Variants in PDZRN4 observed in about 807,000 individuals in gnomAD.
PDZRN4 encodes the protein PDZ domain-containing RING finger protein 4.
In PDZRN4, 70 loss-of-function variants were observed where a neutral mutation model predicts 99.0. The observed-to-expected ratio is 0.71, with a 90% CI of 0.58 to 0.86. The LOEUF is 0.86. Ranked by LOEUF, PDZRN4 falls within the 40% of genes least tolerant of loss-of-function variation. The probability of loss-of-function intolerance (pLI) is 0.00; values close to 1 mark genes in which losing one functional copy is unlikely to be tolerated. For synonymous variants in PDZRN4, 551 were observed against 501.6 expected (o/e 1.10, Z -1.32); for missense variants, 1,474 against 1,331.2 (o/e 1.11, Z -1.67).
At chr12:41,238,178 G>A (rs1226229736) in intron 3 of PDZRN4, among the ~76,000 whole-genome samples, 2 of 151,872 alleles carry the variant, frequency 1.3e-5, no homozygotes, top group African/African-American at 4.8e-5. Flanking sequence ...TTTGAAGAGG[G>A]CCTTCACTTT....
chr12:41,484,705 G>A (rs1445113542), intron 3 of PDZRN4, among the ~76,000 whole-genome samples: 1 of 152,174 alleles, frequency 6.6e-6, no homozygotes, highest in Admixed American at 6.6e-5. Flanking sequence ...CTGTTGCCCA[G>A]ATTTGCTGTA....
chr12:41,356,884 G>A lies in PDZRN4; in HGVS notation c.844-149572G>A, dbSNP rs574847452. 9.9e-5 allele frequency among the ~76,000 whole-genome samples: 15 copies of A among 151,872 alleles called. No individual in the cohort carries two copies. The South Asian group carries it at 3.1e-3, about 32-fold the overall frequency. On this transcript the variant is annotated intron_variant, in intron 3 of 9. Transcript: ENST00000402685. ...TTAGTATTTCATTATTCTTTTGTTG[G>A]GAAACCTCATTGTTGAGTGATTTTA...
chr12:41,250,755 C>A (rs78241219), intron 3 of PDZRN4, among the ~76,000 whole-genome samples: 3 of 152,154 alleles, frequency 2.0e-5, no homozygotes, highest in African/African-American at 7.2e-5. Context: ...AGCATTGACA[C>A]GGTGGAGAAA....
At chr12:41,561,036 G>A (rs1939260982) in intron 7 of PDZRN4, among the ~76,000 whole-genome samples, 1 of 152,138 alleles carries the variant, frequency 6.6e-6, no homozygotes. Flanking sequence ...TTGCCCCAAA[G>A]TAAGAACTAA....
At chr12:41,280,609 G>A (rs573281329) in intron 3 of PDZRN4, among the ~76,000 whole-genome samples, 3 of 151,362 alleles carry the variant, frequency 2.0e-5, no homozygotes, top group East Asian at 3.9e-4. Context: ...AGCTCGAACT[G>A]GGTGGAGCCC....
intron 3 of PDZRN4, among the ~76,000 whole-genome samples, chr12:41,472,331 C>T (rs1385922660): frequency 6.6e-6 from 1 of 152,112 alleles, no homozygotes; most frequent in Admixed American, 6.5e-5. Flanking sequence ...AGACCAATTC[C>T]ATTTGAAATA....
At chr12:41,539,522 C>T (rs894475178) in intron 5 of PDZRN4, among the ~76,000 whole-genome samples, 2 of 151,954 alleles carry the variant, frequency 1.3e-5, no homozygotes, top group Non-Finnish European at 2.9e-5. Context: ...TGTACCTTTT[C>T]CTGTTATGAT....
intron 3 of PDZRN4, among the ~76,000 whole-genome samples, chr12:41,325,554 G>A (rs550757454): frequency 7.2e-5 from 11 of 152,258 alleles, no homozygotes; most frequent in Non-Finnish European, 1.5e-4. Flanking sequence ...CAAGTCAACA[G>A]CAAGGAGGTT....
intron 3 of PDZRN4, among the ~76,000 whole-genome samples, chr12:41,432,607 C>T (rs1409769273): frequency 2.6e-5 from 4 of 152,156 alleles, no homozygotes; most frequent in African/African-American, 9.7e-5. Context: ...GTTGCTCTTA[C>T]ATGTCTTATA....
chr12:41,213,233 C>A (rs994793254), intron 3 of PDZRN4, among the ~76,000 whole-genome samples: 1 of 151,868 alleles, frequency 6.6e-6, no homozygotes, highest in Non-Finnish European at 1.5e-5. Flanking sequence ...TCTGCTGTAA[C>A]GTTGCAAGTG....
chr12:41,464,589 T>C lies in PDZRN4; in HGVS notation c.844-41867T>C, dbSNP rs548141412. Among the ~76,000 whole-genome samples the C allele has an allele frequency of 2.0e-5, 3 of 152,320 alleles. No homozygotes were observed. In the East Asian group the frequency reaches 5.8e-4, roughly 29 times the overall value. ...ATTTTAGTTTTCTAAATTGGAGACA[T>C]GTTTTGCAACAGGGTTTACATATGA... On this transcript the variant is annotated intron_variant, in intron 3 of 9. Coordinates refer to ENST00000402685, the MANE Select transcript of PDZRN4 (RefSeq NM_001164595.2).
At chr12:41,197,084 G>A (rs1950778293) in intron 3 of PDZRN4, among the ~76,000 whole-genome samples, 1 of 151,864 alleles carries the variant, frequency 6.6e-6, no homozygotes, top group South Asian at 2.1e-4. Flanking sequence ...GAGATTCTAT[G>A]GTTTATATAT....
At chr12:41,288,918 C>A (rs949265639) in intron 3 of PDZRN4, among the ~76,000 whole-genome samples, 1 of 151,916 alleles carries the variant, frequency 6.6e-6, no homozygotes, top group African/African-American at 2.4e-5. Context: ...GTTGACAAGG[C>A]CCCATTTTAA....
intron 3 of PDZRN4, among the ~76,000 whole-genome samples, chr12:41,284,398 A>G (rs933905865): frequency 6.6e-6 from 1 of 152,210 alleles, no homozygotes; most frequent in Admixed American, 6.5e-5. Context: ...GCTGATGGAT[A>G]GGAGGAATCA....
At chr12:41,467,159 T>C (rs1592071502) in intron 3 of PDZRN4, among the ~76,000 whole-genome samples, 1 of 152,336 alleles carries the variant, frequency 6.6e-6, no homozygotes, top group South Asian at 2.1e-4. Context: ...ATTGTTCATA[T>C]CTTTCAATGA....
intron 3 of PDZRN4, among the ~76,000 whole-genome samples, chr12:41,319,385 T>C (rs74769512): frequency 0.011 from 1,739 of 152,248 alleles, 16 homozygotes; most frequent in Non-Finnish European, 0.019. Context: ...CTGCTCTCAC[T>C]CTGTCGTGAG....
chr12:41,418,201 T>G (rs2120399517), intron 3 of PDZRN4, among the ~76,000 whole-genome samples: 1 of 152,322 alleles, frequency 6.6e-6, no homozygotes, highest in Non-Finnish European at 1.5e-5. Flanking sequence ...TTGCATGTAT[T>G]CACTTTTTAA....
intron 3 of PDZRN4, among the ~76,000 whole-genome samples, chr12:41,219,971 T>C (rs1950943334): frequency 6.6e-6 from 1 of 151,824 alleles, no homozygotes; most frequent in African/African-American, 2.4e-5. Context: ...TCCATGGGAG[T>C]GCTTTCTGTA....
chr12:41,335,867 C>T (rs1259834227), intron 3 of PDZRN4, among the ~76,000 whole-genome samples: 1 of 152,032 alleles, frequency 6.6e-6, no homozygotes, highest in Non-Finnish European at 1.5e-5. Flanking sequence ...ATATTTTATG[C>T]TTTTGTTGTA....
Sources: allele counts gnomAD v4.1 joint callset (sites outside exome capture counted in the v4.1 genomes callset), GRCh38; gene constraint gnomAD v4.1.1; transcripts MANE v1.5; gene names NCBI Gene and HGNC (gene_info 2026-07-23, HGNC 2026-07-21).